Variants in SLCO6A1 observed in about 807,000 individuals in gnomAD.
SLCO6A1 encodes solute carrier organic anion transporter family member 6A1.
SLCO6A1 carries 65 observed loss-of-function variants against 72.7 expected under a neutral mutation model. The ratio of observed to expected loss-of-function variants is 0.89; its 90% CI spans 0.73 to 1.10. SLCO6A1 has a LOEUF of 1.10. SLCO6A1 is among the 50% of genes least tolerant of loss of function. The pLI is 0.00. For missense variants in SLCO6A1, 874 were observed against 872.6 expected, an observed-to-expected ratio of 1.00 and a Z score of -0.02; for synonymous variants, 314 against 298.2, an observed-to-expected ratio of 1.05 and a Z score of -0.55.
At chr5:102,398,820 C>T (rs1747242533) in intron 10 of SLCO6A1, among the ~76,000 whole-genome samples, 1 of 151,870 alleles carries the variant, frequency 6.6e-6, no homozygotes, top group Non-Finnish European at 1.5e-5. Flanking sequence ...GGTCTTGTCC[C>T]CCGCCTGCTT....
At chr5:102,466,345 A>G (rs116572363) in intron 4 of SLCO6A1, among the ~76,000 whole-genome samples, 2,427 of 152,132 alleles carry the variant, frequency 0.016, 29 homozygotes, top group South Asian at 0.043. Flanking sequence ...ATCCCTCCAA[A>G]GGACATGATC....
At position 102,484,903 on chromosome 5, in the gene SLCO6A1, A is replaced by G. The variant is rs186308004; in HGVS notation, c.359-4469T>C. 2.0e-3 allele frequency among the ~76,000 whole-genome samples: 299 copies of G among 152,308 alleles called. 3 individuals carry two copies. The highest frequency in any genetic ancestry group is 7.0e-3 in the African/African-American group (289 of 41,568). On this transcript the variant is annotated intron_variant, in intron 1 of 13. Coordinates refer to ENST00000506729, the MANE Select transcript of SLCO6A1 (RefSeq NM_173488.5). ...TTTACAAAGTTAGGTGCAATATATT[A>G]AAGTTGCTTTTTACAGTTTTGCAGT...
At chr5:102,458,743 T>C (rs1330758451) in intron 5 of SLCO6A1, among the ~76,000 whole-genome samples, 4 of 152,178 alleles carry the variant, frequency 2.6e-5, no homozygotes, top group African/African-American at 9.6e-5. Context: ...TAGCTACACA[T>C]GGCTGTTAAA....
At chr5:102,484,348 A>G (rs1367424385) in intron 1 of SLCO6A1, among the ~76,000 whole-genome samples, 2 of 152,128 alleles carry the variant, frequency 1.3e-5, no homozygotes, top group Admixed American at 1.3e-4. Context: ...ACAGAATATT[A>G]TATCAAAAGT....
rs147486281 is a variant in SLCO6A1, at chr5:102,488,754, G to C, written c.359-8320C>G. ...GTTCCATATTTGCACTGGCAACAAGGTCAGTACTGTCTTCAAATTTAGTCA... is the reference window on the plus strand; with the variant it reads ...GTTCCATATTTGCACTGGCAACAAGCTCAGTACTGTCTTCAAATTTAGTCA... On this transcript the variant is annotated intron_variant, in intron 1 of 13. Coordinates refer to ENST00000506729, the MANE Select transcript of SLCO6A1 (RefSeq NM_173488.5). 1.7e-3 allele frequency among the ~76,000 whole-genome samples: 256 copies of C among 152,246 alleles called. 1 individual carries two copies. The highest frequency in any genetic ancestry group is 5.9e-3 in the Admixed American group (90 of 15,302).
At chr5:102,385,773 A>C (rs1746381968) in intron 12 of SLCO6A1, among the ~76,000 whole-genome samples, 1 of 147,554 alleles carries the variant, frequency 6.8e-6, no homozygotes, top group Non-Finnish European at 1.5e-5. Context: ...AAGATGACTA[A>C]TTTGAATTAT....
intron 8 of SLCO6A1, 79 bp from the exon 9 acceptor site, chr5:102,413,222 T>A: frequency 2.3e-6 from 3 of 1,332,448 alleles, no homozygotes; most frequent in South Asian, 1.5e-5. Context: ...ATCAGTGAGA[T>A]CCATAAAATA....
intron 12 of SLCO6A1, among the ~76,000 whole-genome samples, chr5:102,380,820 C>T (rs994565692): frequency 6.6e-5 from 10 of 151,956 alleles, no homozygotes; most frequent in Non-Finnish European, 1.3e-4. Flanking sequence ...GACAGTACAA[C>T]TCTAGCTCCT....
chr5:102,493,513 A>T (rs1480143944), intron 1 of SLCO6A1, among the ~76,000 whole-genome samples: 1 of 152,202 alleles, frequency 6.6e-6, no homozygotes, highest in African/African-American at 2.4e-5. Flanking sequence ...AAGGCATCTT[A>T]AAAAATAAAA....
chr5:102,420,896 C>T (rs111400704), intron 7 of SLCO6A1, among the ~76,000 whole-genome samples: 28,455 of 151,986 alleles, frequency 0.19, 3,516 homozygotes, highest in Non-Finnish European at 0.24. Flanking sequence ...TGAGTGATTT[C>T]GGCATTTCCA....
chr5:102,458,402 C>T lies in SLCO6A1; in HGVS notation c.1111G>A (p.Asp371Asn). The T allele has an allele frequency of 6.2e-7, 1 of 1,611,412 alleles. No homozygotes were observed. Among genetic ancestry groups the T allele is most frequent in the Non-Finnish European group, 8.5e-7 (1 of 1,178,468 alleles). The change falls in exon 6 of 14, where the codon GAT (aspartate) becomes AAT (asparagine). Residue 371 changes from aspartate to asparagine, a missense_variant. Physicochemically the swap from Asp to Asn is conservative, Grantham distance 23 (BLOSUM62 1). Transcript: ENST00000506729. ...TTTACCCAAAGAGCAGCACATAAAT[C>T]CTTGATATTAGTTCCAAGTTTCAGA... ...KDLKLGTNIK[D>N]LCAALWILMK...
At chr5:102,473,157 A>G (rs546798506) in intron 4 of SLCO6A1, among the ~76,000 whole-genome samples, 1 of 152,144 alleles carries the variant, frequency 6.6e-6, no homozygotes, top group South Asian at 2.1e-4. Context: ...TACTGAACCT[A>G]GAAAAAGATA....
intron 10 of SLCO6A1, among the ~76,000 whole-genome samples, chr5:102,392,250 C>A (rs1746805850): frequency 6.6e-6 from 1 of 151,746 alleles, no homozygotes; most frequent in Non-Finnish European, 1.5e-5. Flanking sequence ...AAAATAAAAA[C>A]AAATTAACCA....
intron 8 of SLCO6A1, among the ~76,000 whole-genome samples, chr5:102,415,361 C>T (rs1286544145): frequency 1.3e-5 from 2 of 152,002 alleles, no homozygotes; most frequent in Non-Finnish European, 2.9e-5. Flanking sequence ...AAAATAGACC[C>T]ATATATCAAT....
At chr5:102,379,522 C>T (rs1270509034) in intron 12 of SLCO6A1, among the ~76,000 whole-genome samples, 1 of 152,044 alleles carries the variant, frequency 6.6e-6, no homozygotes, top group South Asian at 2.1e-4. Context: ...GTTTGTTTAA[C>T]CATTGCAGGG....
At chr5:102,424,998 A>G (rs1397188003) in intron 7 of SLCO6A1, among the ~76,000 whole-genome samples, 1 of 152,154 alleles carries the variant, frequency 6.6e-6, no homozygotes, top group African/African-American at 2.4e-5. Context: ...CCATCACATA[A>G]ACAGAACCAA....
At chr5:102,445,473 C>A (rs2400797) in intron 6 of SLCO6A1, among the ~76,000 whole-genome samples, 97,173 of 151,948 alleles carry the variant, frequency 0.64, 31,254 homozygotes, top group African/African-American at 0.66. Context: ...AGTTATTTAT[C>A]GACCTTTGTC....
chr5:102,468,938 T>G (rs1376242358), intron 4 of SLCO6A1, among the ~76,000 whole-genome samples: 1 of 152,174 alleles, frequency 6.6e-6, no homozygotes, highest in East Asian at 1.9e-4. Flanking sequence ...GTTGCTTGTT[T>G]TTGTCAGGTT....
intron 4 of SLCO6A1, among the ~76,000 whole-genome samples, chr5:102,475,317 AT>A (rs1751839243): frequency 6.6e-6 from 1 of 152,144 alleles, no homozygotes; most frequent in African/African-American, 2.4e-5. Flanking sequence ...TCAAAATATT[AT>A]TTAAAGTGAA....
Sources: gnomAD v4.1 joint callset for allele counts (sites outside exome capture counted in the v4.1 genomes callset) on GRCh38, gnomAD v4.1.1 for gene constraint, MANE v1.5 for transcripts, NCBI Gene and HGNC (gene_info 2026-07-23, HGNC 2026-07-21) for gene names.